The following ARL1 variants were observed in gnomAD, a reference collection of about 807,000 sequenced individuals.
ARL1 encodes ADP-ribosylation factor-like protein 1.
ARL1 carries 17 observed loss-of-function variants against 30.1 expected under a neutral mutation model. The observed-to-expected ratio is 0.56, with a 90% confidence interval of 0.39 to 0.85. The LOEUF is 0.85. ARL1 is among the 40% of genes least tolerant of loss of function. The pLI, the probability that ARL1 is intolerant of heterozygous loss-of-function variation, is 0.00. For synonymous variants in ARL1, 58 were observed against 71.7 expected (o/e 0.81, Z 0.97); for missense variants, 102 against 212.6 (o/e 0.48, Z 3.24).
rs995753728 is a variant in ARL1, at chr12:101,395,692, T to C, written c.516-22A>G. The C allele has an allele frequency of 3.3e-6, 5 of 1,504,158 alleles. No homozygotes were observed. In the African/African-American group the frequency reaches 6.9e-5, roughly 21 times the overall value. The allele number at this position is 1,504,158 out of a possible 1,614,324, so 93.2% of individuals were successfully genotyped here. A position where few individuals can be genotyped will look rare whatever the true frequency, so the allele number is the denominator to read the frequency against. On this transcript the variant is annotated intron_variant, in intron 5 of 5. Coordinates refer to ENST00000261636, the MANE Select transcript of ARL1 (RefSeq NM_001177.6). ...TAACCTGTAAAGAGAAAATGAACTG[T>C]TTTATAAAATTAATTTTCAGGTATA...
chr12:101,398,639 G>A (rs1871217548), intron 4 of ARL1, among the ~76,000 whole-genome samples: 1 of 151,228 alleles, frequency 6.6e-6, no homozygotes, highest in Non-Finnish European at 1.5e-5. Flanking sequence ...TAGTAGATAT[G>A]GGTGGCCAGG....
intron 5 of ARL1, among the ~76,000 whole-genome samples, chr12:101,395,879 T>C (rs11110776): frequency 0.18 from 27,138 of 152,094 alleles, 2,883 homozygotes; most frequent in Non-Finnish European, 0.24. Flanking sequence ...AAAGACCAAA[T>C]ACCTATTTTC....
chr12:101,398,803 T>C (rs939247030), intron 4 of ARL1, among the ~76,000 whole-genome samples: 2 of 152,176 alleles, frequency 1.3e-5, no homozygotes, highest in South Asian at 4.1e-4. Flanking sequence ...CATAACATGA[T>C]ATTTATTGAT....
intron 4 of ARL1, among the ~76,000 whole-genome samples, chr12:101,397,539 C>A (rs1044598659): frequency 6.6e-6 from 1 of 151,440 alleles, no homozygotes; most frequent in African/African-American, 2.4e-5. Flanking sequence ...CGCTCTGTTG[C>A]TCAGGCTGAA....
chr12:101,406,880 A>T (rs1040669661), intron 1 of ARL1: 1 of 152,174 alleles, frequency 6.6e-6, no homozygotes, highest in African/African-American at 2.4e-5. Flanking sequence ...CTTGGGAGCA[A>T]GAAGTATGCT....
chr12:101,402,352 C>A (rs1593466626), intron 3 of ARL1, among the ~76,000 whole-genome samples: 1 of 152,130 alleles, frequency 6.6e-6, no homozygotes, highest in South Asian at 2.1e-4. Context: ...CCATGCCCAG[C>A]TAATTTTTGT....
intron 2 of ARL1, among the ~76,000 whole-genome samples, chr12:101,404,122 A>G (rs1015580567): frequency 6.6e-6 from 1 of 152,220 alleles, no homozygotes; most frequent in Non-Finnish European, 1.5e-5. Flanking sequence ...GCAAAAAACT[A>G]AAATGCAAGT....
intron 1 of ARL1, among the ~76,000 whole-genome samples, chr12:101,406,832 T>C (rs988577688): frequency 6.6e-5 from 10 of 152,136 alleles, no homozygotes; most frequent in African/African-American, 2.2e-4. Flanking sequence ...GGAACAAAAC[T>C]GAAGGCGGTT....
Position 101,396,495 on chromosome 12 carries a change from G to A in ARL1, c.419C>T (p.Ala140Val). Residue 140 changes from alanine to valine, a missense_variant, in exon 5 of 6, where the codon GCA becomes GTA. By Grantham distance (64) the Ala-to-Val change is moderately conservative (BLOSUM62 0). Coordinates refer to ENST00000261636, the MANE Select transcript of ARL1 (RefSeq NM_001177.6). ...CAAGGCAGGTAACCCAAGTGAATTT[G>A]CCATCTCTGAGGAAGTCATGGCCTG... The part of the protein sequence containing the change: ...MEQAMTSSEM[A>V]NSLGLPALKD... 3 of 1,613,966 alleles carry A rather than the reference G, an allele frequency of 1.9e-6. No individual in the cohort carries two copies. Among genetic ancestry groups the A allele is most frequent in the Non-Finnish European group, 2.5e-6 (3 of 1,179,894 alleles).
rs200979843 is a variant in ARL1 at position 101,399,509 on chromosome 12, T to TAAA, written c.336+1550_336+1552dup. ...CTGGGCGACAGAGCAAGACTCTGTCTAAAAAAAAAAAAAAAAAAAAAAAAA... is the reference window on the plus strand; with the variant it reads ...CTGGGCGACAGAGCAAGACTCTGTCTAAAAAAAAAAAAAAAAAAAAAAAAAAAA... On this transcript the variant is annotated intron_variant, in intron 4 of 5. Transcript: ENST00000261636. 1.4e-3 allele frequency among the ~76,000 whole-genome samples: 159 copies of TAAA among 110,534 alleles called. 3 individuals carry two copies. Among genetic ancestry groups the TAAA allele is most frequent in the African/African-American group, 3.7e-3 (83 of 22,326 alleles). The allele number at this position is 110,534 out of a possible 152,430, so 72.5% of individuals were successfully genotyped here. A position where few individuals can be genotyped will look rare whatever the true frequency, so the allele number is the denominator to read the frequency against.
Position 101,404,541 on chromosome 12 carries a change from A to G in ARL1, c.142+1303T>C, listed in dbSNP as rs1274982191. ...AATTTACTGAAGGTAGCAAAAAGGA[A>G]TAACAGACATTACAGGGTTCAAAAC... On this transcript the variant is annotated intron_variant, in intron 2 of 5. Coordinates refer to ENST00000261636, the MANE Select transcript of ARL1 (RefSeq NM_001177.6). Among the ~76,000 whole-genome samples, 4 of 152,224 alleles carry G rather than the reference A, an allele frequency of 2.6e-5. No homozygotes were observed. The South Asian group carries it at 6.2e-4, about 24-fold the overall frequency.
upstream of ARL1, chr12:101,407,800 G>A (rs1461247011): frequency 1.9e-6 from 2 of 1,067,970 alleles, no homozygotes; most frequent in African/African-American, 1.5e-5. Context: ...ACTGCGCGCC[G>A]GGAACGGTGG....
chr12:101,407,802 G>C, upstream of ARL1: 1 of 1,061,176 alleles, frequency 9.4e-7, no homozygotes, highest in Non-Finnish European at 1.4e-6. Context: ...TGCGCGCCGG[G>C]AACGGTGGCC....
intron 3 of ARL1, among the ~76,000 whole-genome samples, chr12:101,402,455 G>T (rs1178060633): frequency 6.6e-6 from 1 of 152,208 alleles, no homozygotes; most frequent in Non-Finnish European, 1.5e-5. Context: ...CCAAAGTGCT[G>T]GGATTACAGG....
intron 3 of ARL1, among the ~76,000 whole-genome samples, chr12:101,401,638 A>G (rs1429336611): frequency 6.9e-6 from 1 of 145,246 alleles, no homozygotes; most frequent in Non-Finnish European, 1.5e-5. Flanking sequence ...CTCTGTCTCA[A>G]AAAAAAAAAA....
At chr12:101,406,988 TTCTAGCGGGGCGAGGG>T (rs1871461798) in intron 1 of ARL1, 1 of 152,110 alleles carries the variant, frequency 6.6e-6, no homozygotes, top group African/African-American at 2.4e-5. Context: ...CTCACTTGGG[TTCTAGCGGGGCGAGGG>T]TGTTACCTGA....
intron 2 of ARL1, among the ~76,000 whole-genome samples, chr12:101,405,430 T>C (rs1334875070): frequency 6.6e-6 from 1 of 152,210 alleles, no homozygotes; most frequent in African/African-American, 2.4e-5. Flanking sequence ...TGTATTTTAT[T>C]AGTAAAGATA....
At chr12:101,405,308 C>T (rs1056514250) in intron 2 of ARL1, among the ~76,000 whole-genome samples, 1 of 152,112 alleles carries the variant, frequency 6.6e-6, no homozygotes, top group Non-Finnish European at 1.5e-5. Context: ...AAAAAAGGCA[C>T]TTCACATGTA....
chr12:101,401,935 C>G (rs1871315517), intron 3 of ARL1, among the ~76,000 whole-genome samples: 1 of 151,836 alleles, frequency 6.6e-6, no homozygotes, highest in African/African-American at 2.4e-5. Context: ...TAAATAAACT[C>G]AAAAGTGATT....
Sources: allele counts gnomAD v4.1 joint callset (sites outside exome capture counted in the v4.1 genomes callset), GRCh38; gene constraint gnomAD v4.1.1; transcripts MANE v1.5; gene names NCBI Gene and HGNC (gene_info 2026-07-23, HGNC 2026-07-21).